PALLD: variants seen among roughly 807,000 people sequenced by gnomAD.
The protein encoded by PALLD is palladin.
Under a neutral mutation model 123.5 loss-of-function variants are expected in PALLD, and 61 were observed. The ratio of observed to expected loss-of-function variants is 0.49; its 90% confidence interval spans 0.40 to 0.61. The LOEUF (loss-of-function observed/expected upper bound fraction) is 0.61, where lower values mean the gene tolerates loss of function less well. Ranked by LOEUF, PALLD falls within the 20% of genes least tolerant of loss-of-function variation. The pLI is 0.00. For synonymous variants in PALLD, 465 were observed against 496.4 expected (o/e 0.94, Z 0.84); for missense variants, 1,273 against 1,377.0 (o/e 0.92, Z 1.20).
At chr4:168,681,774 T>C (rs1218371753) in intron 4 of PALLD, among the ~76,000 whole-genome samples, 1 of 151,996 alleles carries the variant, frequency 6.6e-6, no homozygotes, top group Non-Finnish European at 1.5e-5. Context: ...TCTGGAACTC[T>C]TGGACTCAAG....
chr4:168,593,856 TA>T (rs1439286389), intron 2 of PALLD, among the ~76,000 whole-genome samples: 1 of 152,086 alleles, frequency 6.6e-6, no homozygotes, highest in Non-Finnish European at 1.5e-5. Flanking sequence ...ATAGAAAAAA[TA>T]CCATTGCAAT....
chr4:168,827,153 G>A (rs1325901367), intron 10 of PALLD, among the ~76,000 whole-genome samples: 7 of 151,926 alleles, frequency 4.6e-5, no homozygotes, highest in Non-Finnish European at 1.0e-4. Context: ...CTTTTTTCCC[G>A]ATCCATTCTC....
Position 168,696,439 on chromosome 4 carries a change from A to G in PALLD, c.1501+5147A>G, listed in dbSNP as rs144234057. On this transcript the variant is annotated intron_variant, in intron 8 of 21. Coordinates refer to ENST00000505667, the MANE Select transcript of PALLD (RefSeq NM_001166108.2). ...TGTGCTATAGGGAAGGCCAAAGTGGATAAGTTCCTCTCTTATACTCAGAGC... is the reference window on the plus strand; with the variant it reads ...TGTGCTATAGGGAAGGCCAAAGTGGGTAAGTTCCTCTCTTATACTCAGAGC... 5.6e-3 allele frequency among the ~76,000 whole-genome samples: 846 copies of G among 152,218 alleles called. 4 individuals carry two copies. The highest frequency in any genetic ancestry group is 0.019 in the African/African-American group (806 of 41,538).
rs569394160 is a variant in PALLD at position 168,894,865 on chromosome 4, A to T, written c.2199+188A>T. On this transcript the variant is annotated intron_variant, in intron 12 of 21. Transcript: ENST00000505667. Reference sequence around the variant, plus strand: ...GAGCACATACTATGTTAAGTGACTGACAGAATTCTTTCCATCAGTGATACC... The same window carrying T: ...GAGCACATACTATGTTAAGTGACTGTCAGAATTCTTTCCATCAGTGATACC... The T allele has an allele frequency of 3.9e-5, 34 of 867,520 alleles. No individual in the cohort carries two copies. In the South Asian group the frequency reaches 5.4e-4, roughly 14 times the overall value. The allele number at this position is 867,520 out of a possible 1,614,324, so 53.7% of individuals were successfully genotyped here.
At position 168,844,517 on chromosome 4, in the gene PALLD, T is replaced by C. The variant is rs1326691371; in HGVS notation, c.1965-46405T>C. The C allele has an allele frequency of 6.6e-6, 1 of 152,246 alleles. No individual in the cohort carries two copies. The highest frequency in any genetic ancestry group is 2.4e-5 in the African/African-American group (1 of 41,466). 9.4% of individuals were successfully genotyped at this position (152,246 alleles called of 1,614,324 possible). On this transcript the variant is annotated intron_variant, in intron 10 of 21. Coordinates refer to ENST00000505667, the MANE Select transcript of PALLD (RefSeq NM_001166108.2). The surrounding 1 kb of genome is among the most constrained non-coding windows in gnomAD (Gnocchi z 4.5). ...GAGCAGCTCATAGCTTTTCTAACACTGAACTTTTCTCTCTCCAAGTCCCAG... is the reference window on the plus strand; with the variant it reads ...GAGCAGCTCATAGCTTTTCTAACACCGAACTTTTCTCTCTCCAAGTCCCAG...
rs571613967 is a variant in PALLD, at chr4:168,915,294, C to T, written c.2718-601C>T. On this transcript the variant is annotated intron_variant, in intron 16 of 21. Transcript: ENST00000505667. ...TGCGATTACTTTCAACTGTATTCCT[C>T]TTAAAGGTTTCTCTGGCAACCTTTA... is the stretch of plus-strand genomic sequence containing the variant. Among the ~76,000 whole-genome samples, 4 of 152,254 alleles carry T rather than the reference C, an allele frequency of 2.6e-5. No homozygotes were observed. The South Asian group carries it at 8.3e-4, about 32-fold the overall frequency.
rs1781004128 is a variant in PALLD at position 168,677,723 on chromosome 4, C to G, written c.1088-3609C>G. The stretch of plus-strand genomic sequence containing the variant: ...CTTCACTGGCTTTTCCTCAGGGTTT[C>G]TCAGCTCCCTGCATCTCCTCATCAC... On this transcript the variant is annotated intron_variant, in intron 3 of 21. Transcript: ENST00000505667. 2.0e-5 allele frequency among the ~76,000 whole-genome samples: 3 copies of G among 152,110 alleles called. No individual in the cohort carries two copies. In the South Asian group the frequency reaches 6.2e-4, roughly 32 times the overall value.
At chr4:168,867,919 AG>A (rs1333004070) in intron 10 of PALLD, among the ~76,000 whole-genome samples, 9 of 151,722 alleles carry the variant, frequency 5.9e-5, no homozygotes, top group African/African-American at 2.2e-4. Context: ...AAAAAAAAAA[AG>A]AAAAAAAAAA....
chr4:168,925,471 T>C lies in PALLD; in HGVS notation c.*32+193T>C, dbSNP rs1043631122. ...CCTTTTAACATTTCTTCCTATATTC[T>C]ATCGCAGTGTCCTAATGCACTCTAA... On this transcript the variant is annotated intron_variant, in intron 21 of 21. Transcript: ENST00000505667. 9 of 603,144 alleles carry C rather than the reference T, an allele frequency of 1.5e-5. No individual in the cohort carries two copies. The Admixed American group carries it at 2.2e-4, about 15-fold the overall frequency. 37.4% of individuals were successfully genotyped at this position (603,144 alleles called of 1,614,324 possible).
intron 1 of PALLD, among the ~76,000 whole-genome samples, chr4:168,500,444 G>T (rs1761280044): frequency 6.6e-6 from 1 of 152,090 alleles, no homozygotes; most frequent in African/African-American, 2.4e-5. Flanking sequence ...GCTCACTGCA[G>T]CCTAGAACTC....
chr4:168,580,641 A>G (rs147976476), intron 2 of PALLD, among the ~76,000 whole-genome samples: 57 of 152,294 alleles, frequency 3.7e-4, no homozygotes, highest in African/African-American at 1.3e-3. Context: ...CCAAAGGAAT[A>G]TAAATCATTC....
intron 10 of PALLD, among the ~76,000 whole-genome samples, chr4:168,884,057 C>T (rs975232908): frequency 6.6e-6 from 1 of 151,890 alleles, no homozygotes; most frequent in African/African-American, 2.4e-5. Context: ...AGAACTACAA[C>T]CATCTTACAT....
At chr4:168,649,075 T>C (rs770401216) in intron 2 of PALLD, among the ~76,000 whole-genome samples, 44 of 152,360 alleles carry the variant, frequency 2.9e-4, no homozygotes, top group Non-Finnish European at 5.9e-4. Flanking sequence ...TTCTTGGGAC[T>C]TTGACTCAGC....
Position 168,511,665 on chromosome 4 carries a change from A to T in PALLD, c.161A>T (p.Glu54Val). 1 of 1,614,182 alleles carries T rather than the reference A, an allele frequency of 6.2e-7. No homozygotes were observed. The highest frequency in any genetic ancestry group is 8.5e-7 in the Non-Finnish European group (1 of 1,180,032). The change falls in exon 2 of 22, where the codon GAA becomes GTA. Residue 54 changes from glutamate to valine, a missense_variant. Transcript: ENST00000505667. ...GCCCGGAGAGCCATAGCCGACTCCGAAACAGAAGATTTTGACTCGGAAAAG... is the reference window on the plus strand; with the variant it reads ...GCCCGGAGAGCCATAGCCGACTCCGTAACAGAAGATTTTGACTCGGAAAAG... ...DLARRAIADS[E>V]TEDFDSEKEI... is the part of the protein sequence containing the mutation.
intron 10 of PALLD, among the ~76,000 whole-genome samples, chr4:168,759,623 G>T (rs1172337828): frequency 6.6e-6 from 1 of 152,126 alleles, no homozygotes; most frequent in Non-Finnish European, 1.5e-5. Flanking sequence ...ATAAGACTTT[G>T]AGTTTGGAGA....
chr4:168,826,386 C>T (rs1278507073), intron 10 of PALLD, among the ~76,000 whole-genome samples: 1 of 152,142 alleles, frequency 6.6e-6, no homozygotes, highest in Non-Finnish European at 1.5e-5. Flanking sequence ...TTACTCCAAA[C>T]ATATATATTC....
intron 2 of PALLD, among the ~76,000 whole-genome samples, chr4:168,651,064 T>C (rs1053102197): frequency 1.3e-5 from 2 of 152,210 alleles, no homozygotes; most frequent in African/African-American, 2.4e-5. Context: ...TAGCTAATTG[T>C]AATTCCAAGA....
At chr4:168,572,910 C>G (rs1156895293) in intron 2 of PALLD, among the ~76,000 whole-genome samples, 1 of 148,194 alleles carries the variant, frequency 6.7e-6, no homozygotes. Flanking sequence ...AACCCACCAG[C>G]ACAGGTGGTT....
intron 14 of PALLD, among the ~76,000 whole-genome samples, chr4:168,902,934 G>C (rs1481366860): frequency 6.6e-6 from 1 of 151,892 alleles, no homozygotes; most frequent in Non-Finnish European, 1.5e-5. Context: ...ACCACACCCA[G>C]ATAATTTTTT....
Sources: allele counts gnomAD v4.1 joint callset (sites outside exome capture counted in the v4.1 genomes callset), GRCh38; gene constraint gnomAD v4.1.1; non-coding constraint Gnocchi (gnomAD v3.1); transcripts MANE v1.5; gene names NCBI Gene and HGNC (gene_info 2026-07-23, HGNC 2026-07-21).